CDKAL1: variants seen among roughly 807,000 people sequenced by gnomAD.
The protein encoded by CDKAL1 is CDKAL1 threonylcarbamoyladenosine tRNA methylthiotransferase.
In CDKAL1, 32 loss-of-function variants were observed where a neutral mutation model predicts 68.2. The observed-to-expected ratio is 0.47, with a 90% CI of 0.35 to 0.63. The LOEUF (loss-of-function observed/expected upper bound fraction) is 0.63. CDKAL1 is among the 30% of genes least tolerant of loss of function. CDKAL1 has a pLI of 0.00. For missense variants in CDKAL1, 606 were observed against 696.7 expected (o/e 0.87, Z 1.47); for synonymous variants, 234 against 244.3 (o/e 0.96, Z 0.39).
intron 13 of CDKAL1, among the ~76,000 whole-genome samples, chr6:21,195,007 T>C (rs1245674314): frequency 2.0e-5 from 3 of 152,190 alleles, no homozygotes; most frequent in Non-Finnish European, 4.4e-5. Context: ...AGTGGCATGA[T>C]CAAAGCTTAC....
At chr6:20,588,854 GAA>G (rs1274794008) in intron 4 of CDKAL1, among the ~76,000 whole-genome samples, 1 of 152,078 alleles carries the variant, frequency 6.6e-6, no homozygotes, top group Non-Finnish European at 1.5e-5. Context: ...GAGTAGACTG[GAA>G]AGCTCAAATT....
At chr6:20,823,676 C>T (rs1032360206) in intron 8 of CDKAL1, among the ~76,000 whole-genome samples, 6 of 152,082 alleles carry the variant, frequency 3.9e-5, no homozygotes, top group African/African-American at 1.2e-4. Context: ...TTATCAGAAT[C>T]GTCTATTTCA....
intron 13 of CDKAL1, among the ~76,000 whole-genome samples, chr6:21,147,670 T>A (rs1776245950): frequency 6.6e-6 from 1 of 152,226 alleles, no homozygotes; most frequent in South Asian, 2.1e-4. Flanking sequence ...CTGGAAAGAA[T>A]GATTAATAAT....
At chr6:20,731,289 C>T (rs1474143035) in intron 5 of CDKAL1, among the ~76,000 whole-genome samples, 8 of 152,088 alleles carry the variant, frequency 5.3e-5, no homozygotes, top group African/African-American at 1.7e-4. Flanking sequence ...TGTGTTGAGA[C>T]CAAAGTCTAA....
chr6:20,692,632 A>G (rs1770919417), intron 5 of CDKAL1, among the ~76,000 whole-genome samples: 2 of 152,146 alleles, frequency 1.3e-5, no homozygotes, highest in South Asian at 4.1e-4. Flanking sequence ...GGTGGGGAAT[A>G]TCAGCTATGG....
At chr6:20,903,758 A>T (rs913604744) in intron 9 of CDKAL1, among the ~76,000 whole-genome samples, 4 of 152,236 alleles carry the variant, frequency 2.6e-5, no homozygotes, top group African/African-American at 9.6e-5. Context: ...CATAATAAAC[A>T]TAAGTCCTTC....
At position 20,846,024 on chromosome 6, in the gene CDKAL1, A is replaced by G. The variant is rs377435542; in HGVS notation, c.639-51A>G. On this transcript the variant is annotated intron_variant, in intron 8 of 15. Coordinates refer to ENST00000274695, the MANE Select transcript of CDKAL1 (RefSeq NM_017774.3). ...GTTTTGAGGTATCCCCATGTTAAGT[A>G]TATGCTATCTTTAGAAATTTGAGTC... is the stretch of plus-strand genomic sequence containing the variant. The G allele has an allele frequency of 6.2e-6, 7 of 1,136,010 alleles. No individual in the cohort carries two copies. The African/African-American group carries it at 6.2e-5, about 10-fold the overall frequency. 70.4% of individuals were successfully genotyped at this position (1,136,010 alleles called of 1,614,324 possible). A position where few individuals can be genotyped will look rare whatever the true frequency, so the allele number is the denominator to read the frequency against.
intron 9 of CDKAL1, among the ~76,000 whole-genome samples, chr6:20,850,530 T>C (rs1758950996): frequency 6.6e-6 from 1 of 152,132 alleles, no homozygotes; most frequent in Non-Finnish European, 1.5e-5. Flanking sequence ...AGCCTCCTCC[T>C]GGGCTCAAGC....
chr6:20,588,020 C>T (rs896913755), intron 4 of CDKAL1, among the ~76,000 whole-genome samples: 1 of 151,908 alleles, frequency 6.6e-6, no homozygotes, highest in Non-Finnish European at 1.5e-5. Flanking sequence ...GGCTTGAAGC[C>T]TGGGAGGTGG....
intron 2 of CDKAL1, among the ~76,000 whole-genome samples, chr6:20,543,993 C>T (rs1763488840): frequency 6.6e-6 from 1 of 152,048 alleles, no homozygotes; most frequent in Non-Finnish European, 1.5e-5. Flanking sequence ...ACGCCTCGGC[C>T]TGCCAGAGTG....
intron 9 of CDKAL1, among the ~76,000 whole-genome samples, chr6:20,950,785 C>T (rs1764484578): frequency 6.6e-6 from 1 of 151,772 alleles, no homozygotes; most frequent in South Asian, 2.1e-4. Context: ...GGCCACGTGG[C>T]GAAAGCCCGT....
At chr6:21,189,329 A>G (rs1030711885) in intron 13 of CDKAL1, among the ~76,000 whole-genome samples, 14 of 152,250 alleles carry the variant, frequency 9.2e-5, no homozygotes, top group Non-Finnish European at 1.6e-4. Context: ...GAAAGAAGAA[A>G]TAAAGCTACT....
At chr6:20,812,163 G>T (rs1227806754) in intron 8 of CDKAL1, among the ~76,000 whole-genome samples, 1 of 152,124 alleles carries the variant, frequency 6.6e-6, no homozygotes, top group Non-Finnish European at 1.5e-5. Flanking sequence ...TAGAAAGGTA[G>T]GACGAATGCC....
At chr6:20,994,883 C>T (rs1046791235) in intron 10 of CDKAL1, among the ~76,000 whole-genome samples, 1 of 152,262 alleles carries the variant, frequency 6.6e-6, no homozygotes, top group Non-Finnish European at 1.5e-5. Context: ...GTGGTGATTG[C>T]TAAAGGTTAA....
chr6:21,004,935 C>T (rs1179359521), intron 11 of CDKAL1, among the ~76,000 whole-genome samples: 1 of 152,104 alleles, frequency 6.6e-6, no homozygotes, highest in Non-Finnish European at 1.5e-5. Flanking sequence ...GCACTCCAGC[C>T]TGCGTGACAG....
intron 6 of CDKAL1, among the ~76,000 whole-genome samples, chr6:20,758,335 T>G (rs193248391): frequency 6.6e-6 from 1 of 152,274 alleles, no homozygotes; most frequent in Admixed American, 6.5e-5. Context: ...TAGGCTATCC[T>G]AAAACAACTC....
intron 8 of CDKAL1, among the ~76,000 whole-genome samples, chr6:20,819,920 C>T (rs574574714): frequency 9.2e-5 from 14 of 152,262 alleles, no homozygotes; most frequent in Admixed American, 5.2e-4. Flanking sequence ...CAGTGCCAAC[C>T]GCTTTCAGTG....
intron 11 of CDKAL1, among the ~76,000 whole-genome samples, chr6:21,042,374 G>A (rs140756342): frequency 1.7e-3 from 261 of 152,098 alleles, no homozygotes; most frequent in African/African-American, 4.9e-3. Flanking sequence ...AAAGCTGGAT[G>A]TAACGTGGTC....
chr6:21,060,201 A>G (rs551379346), intron 11 of CDKAL1, among the ~76,000 whole-genome samples: 1 of 152,276 alleles, frequency 6.6e-6, no homozygotes, highest in African/African-American at 2.4e-5. Flanking sequence ...TTGGGTGGCA[A>G]GATTTTAAAT....
Sources: allele counts gnomAD v4.1 joint callset (sites outside exome capture counted in the v4.1 genomes callset), GRCh38; gene constraint gnomAD v4.1.1; transcripts MANE v1.5; gene names NCBI Gene and HGNC (gene_info 2026-07-23, HGNC 2026-07-21).